ABCC8: variants seen among roughly 807,000 people sequenced by gnomAD.
ABCC8 encodes ATP-binding cassette sub-family C member 8.
In ABCC8, 137 loss-of-function variants were observed where a neutral mutation model predicts 188.0. The ratio of observed to expected loss-of-function variants is 0.73; its 90% CI spans 0.63 to 0.84. ABCC8 has a LOEUF of 0.84. ABCC8 is among the 40% of genes least tolerant of loss of function. ABCC8 has a pLI of 0.00. For missense variants in ABCC8, 1,750 were observed against 2,072.7 expected (o/e 0.84, Z 3.02); for synonymous variants, 797 against 846.5 (o/e 0.94, Z 1.01).
intron 8 of ABCC8, among the ~76,000 whole-genome samples, chr11:17,445,518 G>T (rs1056223513): frequency 6.6e-6 from 1 of 152,202 alleles, no homozygotes; most frequent in Non-Finnish European, 1.5e-5. Flanking sequence ...TGAAACAAGA[G>T]CCCTCAGGGC....
rs527361782 is a variant in ABCC8 at position 17,402,404 on chromosome 11, C to T, written c.3650+257G>A. On this transcript the variant is annotated intron_variant, in intron 29 of 38. Coordinates refer to ENST00000389817, the MANE Select transcript of ABCC8 (RefSeq NM_000352.6). ...ACATGAAGACTTGTCCCAGCTTTGT[C>T]TCTTTTCATGCTCTGCCTCACAGAG... Among the ~76,000 whole-genome samples the T allele has an allele frequency of 1.2e-4, 18 of 152,312 alleles. No individual in the cohort carries two copies. In the South Asian group the frequency reaches 3.3e-3, roughly 28 times the overall value.
intron 16 of ABCC8, among the ~76,000 whole-genome samples, chr11:17,423,796 C>T (rs184934188): frequency 2.0e-5 from 3 of 152,314 alleles, no homozygotes; most frequent in Admixed American, 2.0e-4. Flanking sequence ...GGCCTTTGGA[C>T]TGTCAGGCTA....
Position 17,443,198 on chromosome 11 carries a change from G to C in ABCC8, c.1447C>G (p.Gln483Glu), listed in dbSNP as rs1339419129. 6.2e-7 allele frequency: 1 copy of C among 1,614,084 alleles called. No homozygotes were observed. Among genetic ancestry groups the C allele is most frequent in the African/African-American group, 1.3e-5 (1 of 74,934 alleles). ...VQYFVATKLSQAQRSTLEYSN... is the reference protein window; with the variant it reads ...VQYFVATKLSEAQRSTLEYSN... Reference sequence around the variant, plus strand: ...CTCACCAGTGTGCTCCGCTGGGCCTGAGACAGCTTGGTGGCCACGAAGTAC... The same window carrying C: ...CTCACCAGTGTGCTCCGCTGGGCCTCAGACAGCTTGGTGGCCACGAAGTAC... Residue 483 changes from glutamine to glutamate, a missense_variant, in exon 9 of 39, where the codon CAG becomes GAG. By Grantham distance (29) the Gln-to-Glu change is conservative. Coordinates refer to ENST00000389817, the MANE Select transcript of ABCC8 (RefSeq NM_000352.6).
At chr11:17,412,966 G>T in intron 20 of ABCC8, 1 of 971,910 alleles carries the variant, frequency 1.0e-6, no homozygotes, top group Non-Finnish European at 1.5e-6. Flanking sequence ...TTGTGTAGGC[G>T]CTAGGGACCA....
At chr11:17,467,816 T>A (rs4148603) in intron 3 of ABCC8, among the ~76,000 whole-genome samples, 1 of 152,094 alleles carries the variant, frequency 6.6e-6, no homozygotes, top group African/African-American at 2.4e-5. Flanking sequence ...CTCTGTGGAG[T>A]GTCCTTTCAA....
At position 17,406,615 on chromosome 11, in the gene ABCC8, C is replaced by T. The variant is rs776313489; in HGVS notation, c.3329+7G>A. ...ACAGTCCCAGCCTGGCCAGGGGAGACGGGTACCTCATGGGGGCTAGGATGA... is the reference window on the plus strand; with the variant it reads ...ACAGTCCCAGCCTGGCCAGGGGAGATGGGTACCTCATGGGGGCTAGGATGA... On this transcript the variant is annotated splice_region_variant and intron_variant, in intron 26 of 38. Transcript: ENST00000389817. The T allele has an allele frequency of 4.8e-5, 78 of 1,611,922 alleles. 1 individual carries two copies. Among genetic ancestry groups the T allele is most frequent in the Middle Eastern group, 1.7e-4 (1 of 6,058 alleles).
Position 17,398,318 on chromosome 11 carries a change from G to T in ABCC8, c.3753+21C>A, listed in dbSNP as rs770768484. On this transcript the variant is annotated intron_variant, in intron 30 of 38. Coordinates refer to ENST00000389817, the MANE Select transcript of ABCC8 (RefSeq NM_000352.6). ...CCCCACCCTCCTATCAGAGGCCAGG[G>T]TAGAGGGGAATAGCACTTGCCATTC... 2.5e-6 allele frequency: 4 copies of T among 1,613,954 alleles called. No individual in the cohort carries two copies. The Admixed American group carries it at 5.0e-5, about 20-fold the overall frequency.
At chr11:17,428,107 C>A in intron 14 of ABCC8, 165 bp from the exon 15 acceptor site, 1 of 1,573,780 alleles carries the variant, frequency 6.4e-7, no homozygotes, top group Non-Finnish European at 8.6e-7. Context: ...TCATGCTGAC[C>A]CTTGCCTAAG....
Position 17,425,370 on chromosome 11 carries a change from A to G in ABCC8, c.2222+1679T>C, listed in dbSNP as rs1262655739. ...GAAACGGGGGTGCATGTTGATATTC[A>G]GACATTGGGCCCAAAGTCTTTCTCC... On this transcript the variant is annotated intron_variant, in intron 16 of 38. Coordinates refer to ENST00000389817, the MANE Select transcript of ABCC8 (RefSeq NM_000352.6). Among the ~76,000 whole-genome samples, 3 of 152,218 alleles carry G rather than the reference A, an allele frequency of 2.0e-5. No homozygotes were observed. The East Asian group carries it at 5.8e-4, about 29-fold the overall frequency.
rs563598997 is a variant in ABCC8 at position 17,461,275 on chromosome 11, G to C, written c.822+308C>G. On this transcript the variant is annotated intron_variant, in intron 5 of 38. Transcript: ENST00000389817. The stretch of plus-strand genomic sequence containing the variant: ...TAGTCAGTAAGCTGCAGAGGAAAGA[G>C]CACAGGGATGTGAGAGTCCAGTGGG... The C allele has an allele frequency of 1.2e-4, 57 of 468,524 alleles. 1 individual carries two copies. The East Asian group carries it at 2.2e-3, about 18-fold the overall frequency. The allele number at this position is 468,524 out of a possible 1,614,324, so 29.0% of individuals were successfully genotyped here. A position where few individuals can be genotyped will look rare whatever the true frequency, so the allele number is the denominator to read the frequency against.
Position 17,414,645 on chromosome 11 carries a change from AG to A in ABCC8, c.2292-36del, listed in dbSNP as rs200896867. On this transcript the variant is annotated intron_variant, in intron 18 of 38. Coordinates refer to ENST00000389817, the MANE Select transcript of ABCC8 (RefSeq NM_000352.6). ...GCAGGGCGGGAGTAGGGGGTGCGGA[AG>A]GCATTCTCAGGGGCTTGTTCTCAGA... is the stretch of plus-strand genomic sequence containing the variant. 13 of 1,612,636 alleles carry A rather than the reference AG, an allele frequency of 8.1e-6. No individual in the cohort carries two copies. In the East Asian group the frequency reaches 1.1e-4, roughly 14 times the overall value.
At position 17,448,512 on chromosome 11, in the gene ABCC8, G is replaced by A. The variant is rs1434043539; in HGVS notation, c.1332+4C>T. ...CCCTCCCTTCCCCTCAGCCCATCTA[G>A]TACCTGTACTGGCATAGCCCAGAGG... On this transcript the variant is annotated splice_donor_region_variant and intron_variant, in intron 8 of 38. Transcript: ENST00000389817. The A allele has an allele frequency of 1.2e-6, 2 of 1,609,564 alleles. No individual in the cohort carries two copies. The highest frequency in any genetic ancestry group is 1.6e-4 in the Middle Eastern group (1 of 6,072).
At position 17,423,356 on chromosome 11, in the gene ABCC8, C is replaced by CAA. The variant is rs58524307; in HGVS notation, c.2222+3691_2222+3692dup. Among the ~76,000 whole-genome samples, 512 of 62,710 alleles carry CAA rather than the reference C, an allele frequency of 8.2e-3. 41 individuals carry two copies. Among genetic ancestry groups the CAA allele is most frequent in the African/African-American group, 0.023 (347 of 15,080 alleles). 41.1% of individuals were successfully genotyped at this position (62,710 alleles called of 152,430 possible). ...TGGGCAACAGGGCGAGACTCCGTCT[C>CAA]AAAAAAAAAAAAAAAAAAAAAAAGC... On this transcript the variant is annotated intron_variant, in intron 16 of 38. Coordinates refer to ENST00000389817, the MANE Select transcript of ABCC8 (RefSeq NM_000352.6).
chr11:17,475,134 C>T (rs1848690724), intron 1 of ABCC8, 107 bp from the exon 2 acceptor site: 1 of 1,510,666 alleles, frequency 6.6e-7, no homozygotes, highest in Non-Finnish European at 9.0e-7. Flanking sequence ...GTGAGGGTGA[C>T]ACCTACACAT....
chr11:17,463,310 CG>C, intron 4 of ABCC8, 127 bp downstream of exon 4: 2 of 809,292 alleles, frequency 2.5e-6, no homozygotes, highest in Non-Finnish European at 4.0e-6. Context: ...CCCCTTTACA[CG>C]GGCGGGTAAA....
Position 17,410,624 on chromosome 11 carries a change from A to T in ABCC8, c.2586T>A (p.His862Gln). The change falls in exon 22 of 39, where the codon CAT becomes CAA. Residue 862 changes from histidine (H) to glutamine (Q), a missense_variant. His to Gln is a conservative substitution (Grantham distance 24, BLOSUM62 0). Coordinates refer to ENST00000389817, the MANE Select transcript of ABCC8 (RefSeq NM_000352.6). ...CGGCCTGCATTAAGTGGTCACTCAG[A>T]TGGATATCCAGAGCTGAGAAGGGGT... ...LDDPFSALDI[H>Q]LSDHLMQAGI... is the part of the protein sequence containing the mutation. 6.2e-7 allele frequency: 1 copy of T among 1,614,086 alleles called. No homozygotes were observed. The highest frequency in any genetic ancestry group is 8.5e-7 in the Non-Finnish European group (1 of 1,179,990).
chr11:17,450,320 TTCTTTCTCTCTCTC>T (rs1956743817), intron 7 of ABCC8, among the ~76,000 whole-genome samples: 1 of 105,948 alleles, frequency 9.4e-6, no homozygotes, highest in Middle Eastern at 4.5e-3. Flanking sequence ...CTTTCTTTCT[TTCTTTCTCTCTCTC>T]TCTTTCCTTT....
chr11:17,472,653 C>T (rs1159145141), intron 2 of ABCC8, among the ~76,000 whole-genome samples: 1 of 152,230 alleles, frequency 6.6e-6, no homozygotes, highest in Admixed American at 6.5e-5. Context: ...ATGACAATTA[C>T]TCAGCTTGAG....
In ABCC8 at chr11:17,401,628, C is replaced by T. The variant is rs576972319; in HGVS notation, c.3650+1033G>A. 3.2e-4 allele frequency among the ~76,000 whole-genome samples: 49 copies of T among 152,278 alleles called. No homozygotes were observed. In the South Asian group the frequency reaches 9.8e-3, roughly 30 times the overall value. On this transcript the variant is annotated intron_variant, in intron 29 of 38. Coordinates refer to ENST00000389817, the MANE Select transcript of ABCC8 (RefSeq NM_000352.6). Reference sequence around the variant, plus strand: ...ACTGTCATACTTCGTGCAGCTGTGCCACCCTAAAAATAACCTATTATCACT... The same window carrying T: ...ACTGTCATACTTCGTGCAGCTGTGCTACCCTAAAAATAACCTATTATCACT...
Sources: allele counts gnomAD v4.1 joint callset (sites outside exome capture counted in the v4.1 genomes callset), GRCh38; gene constraint gnomAD v4.1.1; transcripts MANE v1.5; gene names NCBI Gene and HGNC (gene_info 2026-07-23, HGNC 2026-07-21).